The following RIMS2 variants were observed in gnomAD, a reference collection of about 807,000 sequenced individuals.
RIMS2 encodes regulating synaptic membrane exocytosis protein 2.
In RIMS2, 59 loss-of-function variants were observed where a neutral mutation model predicts 174.4. That is an observed-to-expected ratio of 0.34 (90% CI 0.27 to 0.42). RIMS2 has a LOEUF of 0.42. Among genes scored for constraint, RIMS2 ranks in the 10% least tolerant of loss-of-function variants. The pLI is 1.00. For synonymous variants in RIMS2, 606 were observed against 572.5 expected (o/e 1.06, Z -0.84); for missense variants, 1,620 against 1,666.3 (o/e 0.97, Z 0.48).
chr8:103,992,509 T>C (rs531535640), intron 17 of RIMS2, among the ~76,000 whole-genome samples: 4 of 152,062 alleles, frequency 2.6e-5, no homozygotes, highest in African/African-American at 9.6e-5. Context: ...CCTTGAAAAA[T>C]GGGCATGTTT....
chr8:104,235,881 C>G (rs1267774692), intron 19 of RIMS2, among the ~76,000 whole-genome samples: 1 of 151,934 alleles, frequency 6.6e-6, no homozygotes, highest in Admixed American at 6.6e-5. Context: ...TTCAGTTGTC[C>G]CCCAAAAAAA....
chr8:104,066,114 A>G (rs4734087), intron 19 of RIMS2, among the ~76,000 whole-genome samples: 106,586 of 152,016 alleles, frequency 0.7, 37,747 homozygotes, highest in Middle Eastern at 0.74. Flanking sequence ...CACTTATTAT[A>G]TATGCATTGT....
At chr8:103,783,841 A>G (rs1289671245) in intron 3 of RIMS2, among the ~76,000 whole-genome samples, 3 of 151,750 alleles carry the variant, frequency 2.0e-5, no homozygotes, top group African/African-American at 7.3e-5. Context: ...AGGAATCGCC[A>G]CACTGACTTC....
chr8:103,869,362 A>AT (rs1365466770), intron 3 of RIMS2, among the ~76,000 whole-genome samples: 2 of 151,588 alleles, frequency 1.3e-5, no homozygotes, highest in Admixed American at 1.3e-4. Flanking sequence ...CGCCCAGCTA[A>AT]TTTTTTTATT....
chr8:103,624,501 A>ATT (rs2095728857), intron 1 of RIMS2, among the ~76,000 whole-genome samples: 1 of 152,190 alleles, frequency 6.6e-6, no homozygotes. Context: ...ATGTGAGCCA[A>ATT]TTCCTCCTAA....
intron 19 of RIMS2, among the ~76,000 whole-genome samples, chr8:104,209,990 A>G (rs955873538): frequency 5.3e-5 from 8 of 152,210 alleles, no homozygotes; most frequent in African/African-American, 1.7e-4. Flanking sequence ...ATTTTTAAAT[A>G]CCAAAGAATG....
At chr8:104,025,842 A>G (rs1359882101) in intron 19 of RIMS2, among the ~76,000 whole-genome samples, 2 of 152,142 alleles carry the variant, frequency 1.3e-5, no homozygotes, top group Non-Finnish European at 2.9e-5. Flanking sequence ...ATATTTAGAT[A>G]TGTTTAAATA....
At chr8:103,680,880 G>C (rs146759425) in intron 1 of RIMS2, among the ~76,000 whole-genome samples, 3 of 151,980 alleles carry the variant, frequency 2.0e-5, no homozygotes, top group Non-Finnish European at 2.9e-5. Flanking sequence ...TACTTTGCTT[G>C]CAGGTGTACT....
At chr8:103,749,475 T>C (rs2097859833) in intron 2 of RIMS2, among the ~76,000 whole-genome samples, 1 of 152,282 alleles carries the variant, frequency 6.6e-6, no homozygotes, top group African/African-American at 2.4e-5. Context: ...TATTTTACTT[T>C]AATATTTTTA....
At chr8:103,658,411 A>G (rs2096557137) in intron 1 of RIMS2, among the ~76,000 whole-genome samples, 1 of 152,246 alleles carries the variant, frequency 6.6e-6, no homozygotes, top group Non-Finnish European at 1.5e-5. Flanking sequence ...AATAAATAAG[A>G]TTACAAGTAA....
At chr8:104,032,041 T>C (rs1025541904) in intron 19 of RIMS2, among the ~76,000 whole-genome samples, 9 of 152,090 alleles carry the variant, frequency 5.9e-5, no homozygotes, top group Non-Finnish European at 1.5e-5. Flanking sequence ...TAAATACAGA[T>C]GGTCATCCAC....
chr8:103,529,553 T>A (rs1835935654), intron 1 of RIMS2, among the ~76,000 whole-genome samples: 1 of 152,212 alleles, frequency 6.6e-6, no homozygotes, highest in East Asian at 1.9e-4. Context: ...GGAAAGGGAA[T>A]TCCCTGACCC....
intron 4 of RIMS2, among the ~76,000 whole-genome samples, chr8:103,902,860 A>G (rs887653236): frequency 6.6e-6 from 1 of 152,162 alleles, no homozygotes; most frequent in South Asian, 2.1e-4. Flanking sequence ...TTGTACTTAA[A>G]TTAGAGTTTT....
At chr8:104,083,777 A>G (rs1019547011) in intron 19 of RIMS2, among the ~76,000 whole-genome samples, 56 of 152,124 alleles carry the variant, frequency 3.7e-4, no homozygotes, top group African/African-American at 1.3e-3. Context: ...TAATATATGT[A>G]AGGGTCTGAG....
In RIMS2 at chr8:103,949,702, T is replaced by A. The variant is rs188662199; in HGVS notation, c.2701+6776T>A. Among the ~76,000 whole-genome samples the A allele has an allele frequency of 2.0e-5, 3 of 152,022 alleles. No homozygotes were observed. In the East Asian group the frequency reaches 5.8e-4, roughly 29 times the overall value. ...TATTAATACCAAAAAAATTCTCAAATCAGTGACATGTTTTCACCTTAACAA... is the reference window on the plus strand; with the variant it reads ...TATTAATACCAAAAAAATTCTCAAAACAGTGACATGTTTTCACCTTAACAA... On this transcript the variant is annotated intron_variant, in intron 14 of 23. Transcript: ENST00000504942.
At chr8:103,790,193 G>C (rs1421511227) in intron 3 of RIMS2, among the ~76,000 whole-genome samples, 1 of 152,110 alleles carries the variant, frequency 6.6e-6, no homozygotes, top group African/African-American at 2.4e-5. Context: ...CAACTATTAC[G>C]ACTATCTAAT....
intron 19 of RIMS2, among the ~76,000 whole-genome samples, chr8:104,025,478 CTCTG>C (rs2154555558): frequency 6.6e-6 from 1 of 152,160 alleles, no homozygotes; most frequent in African/African-American, 2.4e-5. Context: ...CAGAGGGTGA[CTCTG>C]TCTGTAAAGC....
chr8:103,915,510 A>T, exon 7 of RIMS2: 2 of 1,600,028 alleles, frequency 1.2e-6, no homozygotes, highest in Non-Finnish European at 8.6e-7. Context: ...AGGAGGAAAG[A>T]TGACTGAATC....
At chr8:103,821,802 G>A (rs1007578802) in intron 3 of RIMS2, among the ~76,000 whole-genome samples, 1 of 151,228 alleles carries the variant, frequency 6.6e-6, no homozygotes, top group Non-Finnish European at 1.5e-5. Context: ...CTTTAGTATA[G>A]ACTAAAAAAT....
Sources: allele counts gnomAD v4.1 joint callset (sites outside exome capture counted in the v4.1 genomes callset), GRCh38; gene constraint gnomAD v4.1.1; transcripts MANE v1.5; gene names NCBI Gene and HGNC (gene_info 2026-07-23, HGNC 2026-07-21).